The following CSMD1 variants were observed in gnomAD, a reference collection of about 807,000 sequenced individuals.
CSMD1 encodes CUB and sushi domain-containing protein 1.
In CSMD1, 213 loss-of-function variants were observed where a neutral mutation model predicts 417.5. The ratio of observed to expected loss-of-function variants is 0.51; its 90% confidence interval spans 0.46 to 0.57. The LOEUF is 0.57. Ranked by LOEUF, CSMD1 falls within the 20% of genes least tolerant of loss-of-function variation. The pLI, the probability that CSMD1 is intolerant of heterozygous loss-of-function variation, is 0.00. For synonymous variants in CSMD1, 2,862 were observed against 1,736.8 expected, an observed-to-expected ratio of 1.65 and a Z score of -16.11; for missense variants, 6,923 against 4,529.7, an observed-to-expected ratio of 1.53 and a Z score of -15.17.
chr8:4,318,947 A>G (rs1193788186), intron 3 of CSMD1, among the ~76,000 whole-genome samples: 1 of 152,186 alleles, frequency 6.6e-6, no homozygotes, highest in Non-Finnish European at 1.5e-5. Context: ...TTTATTAAAA[A>G]CAAAATGAAA....
chr8:3,813,528 C>G (rs922918572), intron 5 of CSMD1, among the ~76,000 whole-genome samples: 2 of 152,062 alleles, frequency 1.3e-5, no homozygotes, highest in Non-Finnish European at 2.9e-5. Context: ...GAAGACTGAT[C>G]CATCTACTCT....
intron 15 of CSMD1, 63 bp from the exon 16 acceptor site, chr8:3,399,592 C>G (rs1011821927): frequency 1.5e-6 from 2 of 1,300,518 alleles, no homozygotes; most frequent in Admixed American, 5.7e-5. Flanking sequence ...CATAACAATA[C>G]CCGGATAAAA....
chr8:4,752,312 C>G (rs1280083051), intron 1 of CSMD1, among the ~76,000 whole-genome samples: 1 of 152,146 alleles, frequency 6.6e-6, no homozygotes, highest in African/African-American at 2.4e-5. Context: ...TTTCACCTTG[C>G]TTGAAATTGC....
chr8:3,900,291 G>C (rs529286029), intron 5 of CSMD1, among the ~76,000 whole-genome samples: 2 of 150,238 alleles, frequency 1.3e-5, no homozygotes, highest in African/African-American at 5.0e-5. Context: ...GTGCAGCTGC[G>C]TGACACTGTA....
intron 35 of CSMD1, 125 bp downstream of exon 35, chr8:3,188,762 T>A (rs1563125709): frequency 1.8e-6 from 1 of 558,774 alleles, no homozygotes; most frequent in Non-Finnish European, 2.6e-6. Flanking sequence ...ATAACCAGTA[T>A]AAAAGGAAAA....
At chr8:4,053,365 C>A (rs368984102) in intron 3 of CSMD1, among the ~76,000 whole-genome samples, 2 of 151,936 alleles carry the variant, frequency 1.3e-5, no homozygotes, top group South Asian at 4.1e-4. Flanking sequence ...ATTCTAAATT[C>A]TCTACAGACA....
At chr8:4,766,128 T>G (rs1001847165) in intron 1 of CSMD1, among the ~76,000 whole-genome samples, 1 of 152,218 alleles carries the variant, frequency 6.6e-6, no homozygotes, top group African/African-American at 2.4e-5. Context: ...AATAAACTTT[T>G]GATAAAATGT....
intron 5 of CSMD1, among the ~76,000 whole-genome samples, chr8:3,911,214 C>G (rs1275952123): frequency 6.6e-6 from 1 of 152,192 alleles, no homozygotes; most frequent in Admixed American, 6.5e-5. Flanking sequence ...GTCAGCATCT[C>G]TCTTGAATGC....
rs949371309 is a variant in CSMD1, at chr8:4,310,263, G to A, written c.415+109690C>T. ...TATCACACAGAAAAATATGAAGTTAGAACTGTTATCATGGCTGCTTAGAGC... is the reference window on the plus strand; with the variant it reads ...TATCACACAGAAAAATATGAAGTTAAAACTGTTATCATGGCTGCTTAGAGC... On this transcript the variant is annotated intron_variant, in intron 3 of 69. Coordinates refer to ENST00000635120, the MANE Select transcript of CSMD1 (RefSeq NM_033225.6). Among the ~76,000 whole-genome samples, 4 of 152,134 alleles carry A rather than the reference G, an allele frequency of 2.6e-5. 1 individual carries two copies. The South Asian group carries it at 6.2e-4, about 24-fold the overall frequency.
At chr8:3,774,337 G>C (rs567425060) in intron 5 of CSMD1, among the ~76,000 whole-genome samples, 21 of 152,122 alleles carry the variant, frequency 1.4e-4, no homozygotes, top group African/African-American at 4.8e-4. Flanking sequence ...AGTGCCTGAG[G>C]TGTTATCATA....
At chr8:3,343,098 T>C (rs1041492477) in intron 23 of CSMD1, among the ~76,000 whole-genome samples, 196 bp downstream of exon 23, 1 of 152,184 alleles carries the variant, frequency 6.6e-6, no homozygotes, top group Non-Finnish European at 1.5e-5. Flanking sequence ...AATTAATATT[T>C]CCAAATAGAT....
chr8:4,167,327 T>C (rs1307302062), intron 3 of CSMD1, among the ~76,000 whole-genome samples: 4 of 152,190 alleles, frequency 2.6e-5, no homozygotes, highest in African/African-American at 9.7e-5. Context: ...CTTAGAGGTA[T>C]CTAAGTAAGA....
intron 1 of CSMD1, among the ~76,000 whole-genome samples, chr8:4,702,359 G>A (rs7015177): frequency 4.6e-5 from 7 of 152,036 alleles, no homozygotes; most frequent in Admixed American, 1.3e-4. Context: ...TGACCCTCCT[G>A]CTCTCCGAAG....
At chr8:3,837,027 T>G (rs1354232852) in intron 5 of CSMD1, among the ~76,000 whole-genome samples, 1 of 152,000 alleles carries the variant, frequency 6.6e-6, no homozygotes, top group Non-Finnish European at 1.5e-5. Flanking sequence ...CCCTTCTTGG[T>G]GGCCAGGCTG....
chr8:3,949,858 C>G, intron 5 of CSMD1: 2 of 454,948 alleles, frequency 4.4e-6, no homozygotes, highest in Admixed American at 2.4e-5. Flanking sequence ...TCCCTGGGGA[C>G]ATGGCCTCCT....
chr8:3,025,563 T>C (rs1451081520), intron 51 of CSMD1, among the ~76,000 whole-genome samples: 1 of 152,234 alleles, frequency 6.6e-6, no homozygotes, highest in Non-Finnish European at 1.5e-5. Flanking sequence ...ACTTCTCTGA[T>C]ATTCTTTTAG....
intron 50 of CSMD1, among the ~76,000 whole-genome samples, chr8:3,036,348 A>C (rs1810673716): frequency 6.6e-6 from 1 of 152,210 alleles, no homozygotes; most frequent in Admixed American, 6.5e-5. Context: ...TATTCTAATC[A>C]GCCCCTAGAT....
chr8:4,450,732 A>C (rs1799090658), intron 2 of CSMD1, among the ~76,000 whole-genome samples: 1 of 152,224 alleles, frequency 6.6e-6, no homozygotes, highest in Non-Finnish European at 1.5e-5. Flanking sequence ...AACATTTAAC[A>C]GAATAGCAAC....
chr8:3,657,948 T>A (rs923402554), intron 7 of CSMD1, among the ~76,000 whole-genome samples: 4 of 152,168 alleles, frequency 2.6e-5, no homozygotes, highest in Non-Finnish European at 4.4e-5. Flanking sequence ...GGACCTTACA[T>A]CATTGTTGAT....
Sources: gnomAD v4.1 joint callset for allele counts (sites outside exome capture counted in the v4.1 genomes callset) on GRCh38, gnomAD v4.1.1 for gene constraint, MANE v1.5 for transcripts, NCBI Gene and HGNC (gene_info 2026-07-23, HGNC 2026-07-21) for gene names.